SLFN11: variants seen among roughly 807,000 people sequenced by gnomAD.
The protein encoded by SLFN11 is schlafen family member 11.
In SLFN11, 43 loss-of-function variants were observed where a neutral mutation model predicts 53.4. That is an observed-to-expected ratio of 0.80 (90% CI 0.63 to 1.04). SLFN11 has a LOEUF of 1.04. Among genes scored for constraint, SLFN11 ranks in the 50% least tolerant of loss-of-function variants. The pLI is 0.00. For synonymous variants in SLFN11, 389 were observed against 394.7 expected (o/e 0.99, Z 0.17); for missense variants, 990 against 1,079.1 (o/e 0.92, Z 1.16).
In SLFN11 at chr17:35,351,478, T is replaced by G. The variant is rs1906671615; in HGVS notation, c.*878A>C. 6.6e-6 allele frequency: 1 copy of G among 152,146 alleles called. No homozygotes were observed. Among genetic ancestry groups the G allele is most frequent in the South Asian group, 2.1e-4 (1 of 4,828 alleles). 9.4% of individuals were successfully genotyped at this position (152,146 alleles called of 1,614,324 possible). On this transcript the variant is annotated 3_prime_UTR_variant, in exon 7 of 7. Coordinates refer to ENST00000685675, the MANE Select transcript of SLFN11 (RefSeq NM_001376007.1). ...GTTCAAGAATAACATAAAACTTAAC[T>G]AGGTGTGTTATAGAGCAATGCATAG...
intron 5 of SLFN11, among the ~76,000 whole-genome samples, chr17:35,356,339 A>T (rs1039216614): frequency 6.6e-6 from 1 of 152,146 alleles, no homozygotes; most frequent in African/African-American, 2.4e-5. Flanking sequence ...CAGTGTTCCA[A>T]AAATGAAAAT....
chr17:35,365,117 G>A (rs559922004), intron 3 of SLFN11, among the ~76,000 whole-genome samples: 1 of 152,054 alleles, frequency 6.6e-6, no homozygotes, highest in Non-Finnish European at 1.5e-5. Context: ...GATCCAGGAT[G>A]CAGAAGAAGG....
In SLFN11 at chr17:35,353,055, T is replaced by C. The variant is rs773379448; in HGVS notation, c.2007A>G (p.Glu669=). 8.7e-6 allele frequency: 14 copies of C among 1,614,100 alleles called. No individual in the cohort carries two copies. Among genetic ancestry groups the C allele is most frequent in the Non-Finnish European group, 1.1e-5 (13 of 1,180,056 alleles). Residue 669 remains glutamate (E), a synonymous_variant, in exon 7 of 7, where the codon GAA becomes GAG. Coordinates refer to ENST00000685675, the MANE Select transcript of SLFN11 (RefSeq NM_001376007.1). The part of the protein sequence containing the change: ...FEHIQHIVID[E]AQNFRTEDGD... Reference sequence around the variant, plus strand: ...CATCTTCAGTACGGAAATTCTGAGCTTCGTCAATGACGATGTGTTGAATGT... The same window carrying C: ...CATCTTCAGTACGGAAATTCTGAGCCTCGTCAATGACGATGTGTTGAATGT...
Position 35,363,221 on chromosome 17 carries a change from T to C in SLFN11, c.587A>G (p.Lys196Arg), listed in dbSNP as rs144754469. The change falls in exon 4 of 7, where the codon AAA becomes AGA. Residue 196 changes from lysine to arginine, a missense_variant. Around this residue, in one of 3 missense-constraint regions of SLFN11, gnomAD observed 521 missense variants for 516.2 expected, o/e 1.01. Coordinates refer to ENST00000685675, the MANE Select transcript of SLFN11 (RefSeq NM_001376007.1). ...NSDPADLIFQ[K>R]DYLEYGEILP... ...GATTTCACCATATTCAAGATAGTCT[T>C]TTTGGAAAATTAGGTCAGCAGGATC... 61 of 1,614,074 alleles carry C rather than the reference T, an allele frequency of 3.8e-5. No individual in the cohort carries two copies. The African/African-American group carries it at 7.5e-4, about 20-fold the overall frequency.
intron 5 of SLFN11, among the ~76,000 whole-genome samples, chr17:35,357,165 TG>T (rs1907613986): frequency 1.3e-5 from 2 of 151,110 alleles, no homozygotes; most frequent in Non-Finnish European, 1.5e-5. Context: ...TGTGTGTGTG[TG>T]TGTGTGTGTG....
intron 3 of SLFN11, 113 bp from the exon 4 acceptor site, chr17:35,363,939 C>A: frequency 1.3e-6 from 1 of 781,166 alleles, no homozygotes; most frequent in Non-Finnish European, 1.9e-6. Flanking sequence ...AAGACAGGAG[C>A]AATCCCTTCT....
chr17:35,357,685 A>C (rs990005339), intron 5 of SLFN11, among the ~76,000 whole-genome samples: 6 of 146,294 alleles, frequency 4.1e-5, no homozygotes, highest in Non-Finnish European at 9.0e-5. Context: ...TGACAATACA[A>C]CTCTTTTTAT....
At chr17:35,367,821 T>C (rs1909157556) in intron 1 of SLFN11, 121 bp from the exon 2 acceptor site, 1 of 152,272 alleles carries the variant, frequency 6.6e-6, no homozygotes, top group African/African-American at 2.4e-5. Context: ...TTTCCATTTA[T>C]TAGCTGTATG....
intron 5 of SLFN11, among the ~76,000 whole-genome samples, chr17:35,357,620 T>C (rs1444501764): frequency 2.0e-5 from 3 of 150,104 alleles, no homozygotes; most frequent in South Asian, 4.2e-4. Context: ...TAAATTTTAA[T>C]TTGTGTTTCT....
At chr17:35,360,092 C>A in intron 5 of SLFN11, 151 bp downstream of exon 5, 1 of 751,758 alleles carries the variant, frequency 1.3e-6, no homozygotes, top group South Asian at 1.9e-5. Context: ...ATTTCTAAAC[C>A]ACTTATCACC....
chr17:35,363,654 C>A lies in SLFN11; in HGVS notation c.154G>T (p.Ala52Ser), dbSNP rs1473464018. Reference protein sequence around the residue: ...EKERVMRAACALLNSGGGVIR... With the variant: ...EKERVMRAACSLLNSGGGVIR... Reference sequence around the variant, plus strand: ...ACTCCTCCTCCTGAGTTTAATAAAGCACATGCAGCCCGCATAACTCTCTCC... The same window carrying A: ...ACTCCTCCTCCTGAGTTTAATAAAGAACATGCAGCCCGCATAACTCTCTCC... Residue 52 changes from alanine to serine, a missense_variant, in exon 4 of 7, where the codon GCT (alanine) becomes TCT (serine). Coordinates refer to ENST00000685675, the MANE Select transcript of SLFN11 (RefSeq NM_001376007.1). The A allele has an allele frequency of 6.2e-7, 1 of 1,613,886 alleles. No individual in the cohort carries two copies. Among genetic ancestry groups the A allele is most frequent in the Non-Finnish European group, 8.5e-7 (1 of 1,179,956 alleles).
At position 35,363,869 on chromosome 17, in the gene SLFN11, T is replaced by C. The variant is rs1313196813; in HGVS notation, c.-19-43A>G. On this transcript the variant is annotated intron_variant, in intron 3 of 6. Transcript: ENST00000685675. ...GTGTTACATGCATGCAATTCATTTA[T>C]TAAAAGGGTATTTATTTTGTGTCTA... is the stretch of plus-strand genomic sequence containing the variant. 3.5e-6 allele frequency: 5 copies of C among 1,430,502 alleles called. No individual in the cohort carries two copies. The Admixed American group carries it at 7.0e-5, about 20-fold the overall frequency. The allele number at this position is 1,430,502 out of a possible 1,614,324, so 88.6% of individuals were successfully genotyped here. A position where few individuals can be genotyped will look rare whatever the true frequency, so the allele number is the denominator to read the frequency against.
In SLFN11 at chr17:35,363,311, A is replaced by G; in HGVS notation, c.497T>C (p.Phe166Ser). The change falls in exon 4 of 7, where the codon TTT becomes TCT. Residue 166 changes from phenylalanine to serine, a missense_variant. Coordinates refer to ENST00000685675, the MANE Select transcript of SLFN11 (RefSeq NM_001376007.1). Reference sequence around the variant, plus strand: ...GTATACACCCTTGTGAATTTTGTGAAAAGGTCCTTCTTCCAAGATTTTTGG... The same window carrying G: ...GTATACACCCTTGTGAATTTTGTGAGAAGGTCCTTCTTCCAAGATTTTTGG... ...RKPKILEEGP[F>S]HKIHKGVYQE... 1.2e-6 allele frequency: 2 copies of G among 1,614,006 alleles called. No homozygotes were observed. Among genetic ancestry groups the G allele is most frequent in the Non-Finnish European group, 1.7e-6 (2 of 1,179,990 alleles).
chr17:35,358,891 G>GC (rs1417179976), intron 5 of SLFN11, among the ~76,000 whole-genome samples: 3 of 151,902 alleles, frequency 2.0e-5, no homozygotes, highest in African/African-American at 7.3e-5. Flanking sequence ...AGTAGCTCAT[G>GC]CCTATAGTCT....
At position 35,363,534 on chromosome 17, in the gene SLFN11, C is replaced by A; in HGVS notation, c.274G>T (p.Ala92Ser). The change falls in exon 4 of 7, where the codon GCT becomes TCT. Residue 92 changes from alanine to serine, a missense_variant. Ala to Ser is a moderately conservative substitution (Grantham distance 99, BLOSUM62 1). Around this residue, in one of 3 missense-constraint regions of SLFN11, gnomAD observed 521 missense variants for 516.2 expected, o/e 1.01. Transcript: ENST00000685675. ...CCTTGTTGCTTGGTCTCAAAGAAAG[C>A]CTGCAGATCTGAAGACTGAATAAGC... ...RELIQSSDLQ[A>S]FFETKQQGRC... The A allele has an allele frequency of 1.2e-6, 2 of 1,614,004 alleles. No individual in the cohort carries two copies. The highest frequency in any genetic ancestry group is 2.2e-5 in the South Asian group (2 of 91,078).
chr17:35,352,760 CG>C lies in SLFN11; in HGVS notation c.2301del (p.Glu768AsnfsTer16), dbSNP rs754506247. The C allele has an allele frequency of 5.0e-6, 8 of 1,614,058 alleles. No individual in the cohort carries two copies. The African/African-American group carries it at 6.7e-5, about 13-fold the overall frequency. ...PTGCLEVFPE[A>X]EWSQGVQGTL... The stretch of plus-strand genomic sequence containing the variant: ...GTTCCCTGAACACCCTGGGACCATT[CG>C]GCTTCAGGAAATACCTCGAGGCACC... On this transcript the variant is annotated frameshift_variant, in exon 7 of 7. Transcript: ENST00000685675. LOFTEE classifies it low-confidence loss of function (END_TRUNC).
rs755488091 is a variant in SLFN11 at position 35,363,698 on chromosome 17, A to G, written c.110T>C (p.Ile37Thr). 6.8e-6 allele frequency: 11 copies of G among 1,613,730 alleles called. No homozygotes were observed. Among genetic ancestry groups the G allele is most frequent in the Non-Finnish European group, 9.3e-6 (11 of 1,179,944 alleles). ...TCTCTCCTTCTCTTGGTCTCTCTGA[A>G]TTTTCTGCAGCTTTTTTCTGTTTTC... is the stretch of plus-strand genomic sequence containing the variant. ...GEENRKKLQK[I>T]QRDQEKERVM... Residue 37 changes from isoleucine to threonine, a missense_variant, in exon 4 of 7, where the codon ATT becomes ACT. By Grantham distance (89) the Ile-to-Thr change is moderately conservative (BLOSUM62 -1). Around this residue, in one of 3 missense-constraint regions of SLFN11, gnomAD observed 521 missense variants for 516.2 expected, o/e 1.01. Coordinates refer to ENST00000685675, the MANE Select transcript of SLFN11 (RefSeq NM_001376007.1).
intron 3 of SLFN11, 24 bp from the exon 4 acceptor site, chr17:35,363,850 C>T (rs1167561174): frequency 5.4e-6 from 8 of 1,474,300 alleles, no homozygotes; most frequent in Non-Finnish European, 7.3e-6. Context: ...TGAAGTGTTA[C>T]ATGCATGCAA....
At chr17:35,367,890 C>T (rs1464489218) in intron 1 of SLFN11, among the ~76,000 whole-genome samples, 190 bp from the exon 2 acceptor site, 1 of 151,996 alleles carries the variant, frequency 6.6e-6, no homozygotes, top group African/African-American at 2.4e-5. Context: ...TCTCCCCATG[C>T]CCCAGGATCT....
Sources: allele counts gnomAD v4.1 joint callset (sites outside exome capture counted in the v4.1 genomes callset), GRCh38; gene constraint gnomAD v4.1.1; regional missense constraint gnomAD v4.1.1; transcripts MANE v1.5; gene names NCBI Gene and HGNC (gene_info 2026-07-23, HGNC 2026-07-21).